The following NOS2 variants were observed in gnomAD, a reference collection of about 807,000 sequenced individuals.
NOS2 encodes nitric oxide synthase 2.
NOS2 carries 96 observed loss-of-function variants against 136.0 expected under a neutral mutation model. That is an observed-to-expected ratio of 0.71 (90% CI 0.60 to 0.84). The LOEUF (loss-of-function observed/expected upper bound fraction) is 0.84, where lower values mean the gene tolerates loss of function less well. NOS2 is among the 40% of genes least tolerant of loss of function. NOS2 has a pLI of 0.00. For missense variants in NOS2, 1,237 were observed against 1,496.9 expected (o/e 0.83, Z 2.87); for synonymous variants, 539 against 587.5 (o/e 0.92, Z 1.20).
intron 2 of NOS2, among the ~76,000 whole-genome samples, chr17:27,795,144 G>A (rs1372600378): frequency 2.6e-5 from 4 of 152,188 alleles, no homozygotes; most frequent in Non-Finnish European, 2.9e-5. Flanking sequence ...CTTCATGTAC[G>A]TCTCCCAAAC....
At chr17:27,778,585 A>T in intron 11 of NOS2, 105 bp downstream of exon 11, 1 of 884,738 alleles carries the variant, frequency 1.1e-6, no homozygotes, top group Non-Finnish European at 1.9e-6. Flanking sequence ...CTGGACCTCT[A>T]GAGTGAGCAA....
In NOS2 at chr17:27,762,842, G is replaced by T; in HGVS notation, c.2756C>A (p.Thr919Lys). The T allele has an allele frequency of 6.4e-7, 1 of 1,563,860 alleles. No individual in the cohort carries two copies. The highest frequency in any genetic ancestry group is 8.7e-7 in the Non-Finnish European group (1 of 1,154,770). Residue 919 changes from threonine (T) to lysine (K), a missense_variant, in exon 22 of 27, where the codon ACA becomes AAA. Coordinates refer to ENST00000313735, the MANE Select transcript of NOS2 (RefSeq NM_000625.4). ...SISSSRDHTP[T>K]EIHLTVAVVT... ...CACGGCCACAGTCAGGTGGATCTCT[G>T]TGGGCGTGTGATCCCGGGAGGAGCT...
At position 27,788,974 on chromosome 17, in the gene NOS2, G is replaced by T. The variant is rs775229223; in HGVS notation, c.196-43C>A. On this transcript the variant is annotated intron_variant, in intron 3 of 26. Transcript: ENST00000313735. ...AGGGTTTTCTCTCAGGTCTCTCCTA[G>T]ACCCCAGGCCCTGCCTTGTCTTAGA... The T allele has an allele frequency of 2.5e-6, 4 of 1,600,962 alleles. No individual in the cohort carries two copies. In the South Asian group the frequency reaches 4.5e-5, roughly 18 times the overall value.
At chr17:27,797,064 A>G (rs973723582) in intron 2 of NOS2, among the ~76,000 whole-genome samples, 1 of 152,268 alleles carries the variant, frequency 6.6e-6, no homozygotes, top group Non-Finnish European at 1.5e-5. Context: ...GGCTTTGCCT[A>G]TCCCAGCCCC....
intron 20 of NOS2, among the ~76,000 whole-genome samples, chr17:27,764,637 G>T (rs1482152186): frequency 6.6e-6 from 1 of 152,180 alleles, no homozygotes; most frequent in Non-Finnish European, 1.5e-5. Flanking sequence ...AGAAGACACG[G>T]GTTCAAACCC....
chr17:27,757,444 G>T, intron 26 of NOS2, 91 bp from the exon 27 acceptor site: 1 of 997,074 alleles, frequency 1.0e-6, no homozygotes. Context: ...GGACCTTCAT[G>T]AGCCATCTGT....
At chr17:27,774,227 C>T in intron 12 of NOS2, 30 bp downstream of exon 12, 1 of 1,427,018 alleles carries the variant, frequency 7.0e-7, no homozygotes, top group Non-Finnish European at 9.2e-7. Context: ...TCTGAGCCCC[C>T]AGGAAGGAGA....
intron 2 of NOS2, among the ~76,000 whole-genome samples, chr17:27,791,515 C>T (rs1454045530): frequency 6.6e-6 from 1 of 152,034 alleles, no homozygotes; most frequent in African/African-American, 2.4e-5. Flanking sequence ...GCAGAATTCC[C>T]CCTATGCCTG....
chr17:27,789,776 A>G (rs999784104), intron 2 of NOS2, 88 bp from the exon 3 acceptor site: 68 of 899,386 alleles, frequency 7.6e-5, no homozygotes, highest in Non-Finnish European at 1.6e-5. Context: ...CTCATTTGAC[A>G]AATAGGGAAA....
chr17:27,780,162 A>C (rs1908795558), intron 9 of NOS2, among the ~76,000 whole-genome samples: 1 of 152,232 alleles, frequency 6.6e-6, no homozygotes, highest in African/African-American at 2.4e-5. Context: ...TTTGACAAGA[A>C]GAAATGAGCC....
Position 27,760,753 on chromosome 17 carries a change from G to A in NOS2, c.2889-9C>T. On this transcript the variant is annotated splice_polypyrimidine_tract_variant and intron_variant, in intron 23 of 26. Coordinates refer to ENST00000313735, the MANE Select transcript of NOS2 (RefSeq NM_000625.4). ...GGTGGAAGCCGCTGGCACTGAAGAGGACAGGAGAAGAGGGGGCCAGTCCTC... is the reference window on the plus strand; with the variant it reads ...GGTGGAAGCCGCTGGCACTGAAGAGAACAGGAGAAGAGGGGGCCAGTCCTC... The A allele has an allele frequency of 1.9e-6, 3 of 1,548,822 alleles. No homozygotes were observed. The highest frequency in any genetic ancestry group is 2.6e-6 in the Non-Finnish European group (3 of 1,146,494).
chr17:27,760,123 G>GT lies in NOS2; in HGVS notation c.3065dup (p.Asp1022GlufsTer86). On this transcript the variant is annotated frameshift_variant, in exon 25 of 27. Transcript: ENST00000313735. LOFTEE classifies it high-confidence loss of function. ...CCAGCATCTCCTCCTGGTAGATGTG[G>GT]TCCTCATCTGGGCGGCGGCACCCAA... The GT allele has an allele frequency of 6.2e-7, 1 of 1,606,766 alleles. No individual in the cohort carries two copies. The highest frequency in any genetic ancestry group is 8.5e-7 in the Non-Finnish European group (1 of 1,176,774).
chr17:27,770,266 G>A (rs1250053453), intron 15 of NOS2, among the ~76,000 whole-genome samples: 3 of 152,092 alleles, frequency 2.0e-5, no homozygotes, highest in Non-Finnish European at 4.4e-5. Context: ...GATCACCTGA[G>A]GTTGGGAGTT....
intron 18 of NOS2, among the ~76,000 whole-genome samples, chr17:27,767,230 G>T (rs1299959148): frequency 1.3e-5 from 2 of 152,160 alleles, no homozygotes; most frequent in Non-Finnish European, 2.9e-5. Flanking sequence ...ACCTGGGGGT[G>T]CAGAGTGGAG....
chr17:27,788,784 G>C (rs201723327), intron 4 of NOS2, 25 bp downstream of exon 4: 42 of 1,600,952 alleles, frequency 2.6e-5, no homozygotes, highest in Non-Finnish European at 3.3e-5. Context: ...GACAAAGGTG[G>C]TTCTCCCTGA....
At position 27,783,088 on chromosome 17, in the gene NOS2, A is replaced by G. The variant is rs1200542741; in HGVS notation, c.486T>C (p.His162=). 2.5e-6 allele frequency: 4 copies of G among 1,614,096 alleles called. No individual in the cohort carries two copies. In the East Asian group the frequency reaches 6.7e-5, roughly 27 times the overall value. Residue 162 remains histidine (H), a synonymous_variant, in exon 6 of 27, where the codon CAT becomes CAC. Transcript: ENST00000313735. The stretch of plus-strand genomic sequence containing the variant: ...TTGTTACCGCTTCCACCCTGGCCAG[A>G]TGTTCCTCTATTTTTGCCCTGGGGG... ...GSFKEAKIEE[H]LARVEAVTKE... is the part of the protein sequence containing the mutation.
intron 20 of NOS2, among the ~76,000 whole-genome samples, chr17:27,764,584 A>G (rs1288359643): frequency 2.6e-5 from 4 of 152,250 alleles, no homozygotes; most frequent in Admixed American, 1.3e-4. Flanking sequence ...GGGAAGTCCC[A>G]GGGAGCAGCA....
intron 18 of NOS2, among the ~76,000 whole-genome samples, chr17:27,767,024 A>AT (rs1482100354): frequency 6.6e-6 from 1 of 151,490 alleles, no homozygotes; most frequent in African/African-American, 2.4e-5. Context: ...AAAAAAAAAA[A>AT]GCTCCTTGAT....
At chr17:27,771,422 G>A (rs1472447293) in intron 14 of NOS2, among the ~76,000 whole-genome samples, 1 of 152,250 alleles carries the variant, frequency 6.6e-6, no homozygotes, top group African/African-American at 2.4e-5. Flanking sequence ...TCATCTTGCT[G>A]TTCTATCCAG....
Sources: gnomAD v4.1 joint callset for allele counts (sites outside exome capture counted in the v4.1 genomes callset) on GRCh38, gnomAD v4.1.1 for gene constraint, MANE v1.5 for transcripts, NCBI Gene and HGNC (gene_info 2026-07-23, HGNC 2026-07-21) for gene names.